ASCC1: variants seen among roughly 807,000 people sequenced by gnomAD.
ASCC1 encodes activating signal cointegrator 1 complex subunit 1.
Under a neutral mutation model 46.6 loss-of-function variants are expected in ASCC1, and 35 were observed. The observed-to-expected ratio is 0.75, with a 90% CI of 0.57 to 0.99. ASCC1 has a LOEUF of 0.99. Among genes scored for constraint, ASCC1 ranks in the 50% least tolerant of loss-of-function variants. The probability of loss-of-function intolerance (pLI) is 0.00; values close to 1 mark genes in which losing one functional copy is unlikely to be tolerated. For synonymous variants in ASCC1, 143 were observed against 146.6 expected (o/e 0.98, Z 0.18); for missense variants, 376 against 428.7 (o/e 0.88, Z 1.09).
chr10:72,155,522 A>C (rs986299768), intron 6 of ASCC1, among the ~76,000 whole-genome samples: 1 of 152,196 alleles, frequency 6.6e-6, no homozygotes, highest in African/African-American at 2.4e-5. Flanking sequence ...CATCAACTAC[A>C]CCTAAGATCT....
At chr10:72,202,050 G>C (rs917157517) in intron 4 of ASCC1, among the ~76,000 whole-genome samples, 2 of 151,930 alleles carry the variant, frequency 1.3e-5, no homozygotes, top group African/African-American at 4.8e-5. Flanking sequence ...AAAAATTCAA[G>C]ATCAGCCTGG....
At chr10:72,184,350 A>G (rs1023541853) in intron 5 of ASCC1, among the ~76,000 whole-genome samples, 3 of 152,166 alleles carry the variant, frequency 2.0e-5, no homozygotes, top group African/African-American at 7.2e-5. Flanking sequence ...TCCAGTTAAA[A>G]GGTAGAGATG....
intron 7 of ASCC1, among the ~76,000 whole-genome samples, chr10:72,144,632 C>T (rs899973652): frequency 8.8e-4 from 133 of 151,828 alleles, no homozygotes; most frequent in African/African-American, 3.2e-3. Flanking sequence ...TATTTTTAGA[C>T]TTATTTTTAA....
chr10:72,130,885 T>C (rs1845502258), intron 8 of ASCC1, among the ~76,000 whole-genome samples: 1 of 152,220 alleles, frequency 6.6e-6, no homozygotes, highest in Non-Finnish European at 1.5e-5. Flanking sequence ...CAGTATGTCT[T>C]CTGAAACAAT....
intron 5 of ASCC1, among the ~76,000 whole-genome samples, chr10:72,168,139 C>T (rs189888811): frequency 1.1e-3 from 162 of 152,080 alleles, no homozygotes; most frequent in African/African-American, 1.3e-3. Flanking sequence ...TGCAGTGAGC[C>T]GAGATCGTGC....
chr10:72,120,742 C>G (rs1390289077), intron 9 of ASCC1, among the ~76,000 whole-genome samples: 1 of 152,054 alleles, frequency 6.6e-6, no homozygotes, highest in Non-Finnish European at 1.5e-5. Context: ...GACTTTTCCT[C>G]AGAAACCATG....
Position 72,151,881 on chromosome 10 carries a change from G to A in ASCC1, c.746+988C>T, listed in dbSNP as rs569146920. Among the ~76,000 whole-genome samples the A allele has an allele frequency of 3.9e-5, 6 of 151,962 alleles. No individual in the cohort carries two copies. The East Asian group carries it at 1.2e-3, about 29-fold the overall frequency. On this transcript the variant is annotated intron_variant, in intron 7 of 9. Transcript: ENST00000672957. ...TTTTTGTATTTTTTTAGTAGAGATG[G>A]GGTTTCACCGTGTTAGCCAGGGTGG...
chr10:72,200,990 AAGTACTCAAAGTCATACGCATGACC>A (rs1383447688), intron 4 of ASCC1, among the ~76,000 whole-genome samples: 1 of 152,092 alleles, frequency 6.6e-6, no homozygotes, highest in Non-Finnish European at 1.5e-5. Context: ...GCAATATCTC[AAGTACTCAAAGTCATACGCATGACC>A]AGTACCTGAC....
chr10:72,203,677 T>C (rs988405375), intron 3 of ASCC1, among the ~76,000 whole-genome samples, 153 bp from the exon 4 acceptor site: 1 of 152,266 alleles, frequency 6.6e-6, no homozygotes, highest in Non-Finnish European at 1.5e-5. Flanking sequence ...ACAAGTCATC[T>C]AGCTTTAGAA....
Position 72,186,169 on chromosome 10 carries a change from G to GT in ASCC1, c.489+10641dup, listed in dbSNP as rs113203533. On this transcript the variant is annotated intron_variant, in intron 5 of 9. Transcript: ENST00000672957. ...AATATAAAAGAATATAACTGTTTTT[G>GT]TTTTTTTTTTGTAGAGACAATGTCT... is the stretch of plus-strand genomic sequence containing the variant. 4.9e-3 allele frequency among the ~76,000 whole-genome samples: 718 copies of GT among 146,516 alleles called. 6 individuals carry two copies. The highest frequency in any genetic ancestry group is 0.015 in the African/African-American group (601 of 40,258).
intron 7 of ASCC1, among the ~76,000 whole-genome samples, chr10:72,144,140 C>A (rs11000187): frequency 6.6e-6 from 1 of 152,036 alleles, no homozygotes; most frequent in Non-Finnish European, 1.5e-5. Flanking sequence ...CCACGCCCAG[C>A]TAATTTTTGT....
intron 9 of ASCC1, among the ~76,000 whole-genome samples, chr10:72,125,246 GA>G (rs1844720122): frequency 6.6e-6 from 1 of 151,228 alleles, no homozygotes; most frequent in Non-Finnish European, 1.5e-5. Flanking sequence ...AGATGAAGTT[GA>G]TTTTTTTTTT....
At chr10:72,117,830 C>G (rs973551620) in intron 9 of ASCC1, among the ~76,000 whole-genome samples, 2 of 152,292 alleles carry the variant, frequency 1.3e-5, no homozygotes, top group Non-Finnish European at 2.9e-5. Flanking sequence ...GAAGAAGTGA[C>G]ATCTGCTAGT....
intron 9 of ASCC1, chr10:72,102,382 G>T (rs1222721489): frequency 6.5e-7 from 1 of 1,549,870 alleles, no homozygotes; most frequent in East Asian, 2.4e-5. Context: ...GGATTTTCCT[G>T]GTAGGCTCTG....
intron 8 of ASCC1, among the ~76,000 whole-genome samples, chr10:72,128,498 A>C (rs1845162512): frequency 6.6e-6 from 1 of 152,232 alleles, no homozygotes; most frequent in South Asian, 2.1e-4. Flanking sequence ...ACAAAGTGAG[A>C]GGCAGGACTA....
intron 7 of ASCC1, among the ~76,000 whole-genome samples, chr10:72,143,661 G>A: frequency 6.7e-6 from 1 of 148,782 alleles, no homozygotes; most frequent in East Asian, 2.0e-4. Context: ...CCATGTGCCT[G>A]AAAAGAATAT....
intron 8 of ASCC1, among the ~76,000 whole-genome samples, chr10:72,130,277 G>A (rs952354908): frequency 2.6e-5 from 4 of 152,164 alleles, no homozygotes; most frequent in African/African-American, 7.2e-5. Context: ...TCATTTTAGG[G>A]TGATGAAAAT....
intron 7 of ASCC1, among the ~76,000 whole-genome samples, chr10:72,145,787 T>C (rs890708299): frequency 1.3e-5 from 2 of 152,244 alleles, no homozygotes; most frequent in African/African-American, 4.8e-5. Flanking sequence ...GCAATGGCTG[T>C]GTCTGGCTTT....
intron 6 of ASCC1, among the ~76,000 whole-genome samples, chr10:72,155,975 AT>A (rs1848908806): frequency 6.6e-6 from 1 of 152,210 alleles, no homozygotes; most frequent in Admixed American, 6.5e-5. Context: ...GTTCTGGACA[AT>A]TTTGAGAAGA....
Sources: allele counts gnomAD v4.1 joint callset (sites outside exome capture counted in the v4.1 genomes callset), GRCh38; gene constraint gnomAD v4.1.1; transcripts MANE v1.5; gene names NCBI Gene and HGNC (gene_info 2026-07-23, HGNC 2026-07-21).